Variants in LRRC7 observed in about 807,000 individuals in gnomAD.
LRRC7 encodes the protein leucine rich repeat containing 7.
In LRRC7, 23 loss-of-function variants were observed where a neutral mutation model predicts 175.7. The ratio of observed to expected loss-of-function variants is 0.13; its 90% confidence interval spans 0.09 to 0.19. LRRC7 has a LOEUF of 0.19. Ranked by LOEUF, LRRC7 falls within the 10% of genes least tolerant of loss-of-function variation. The pLI is 1.00. For synonymous variants in LRRC7, 685 were observed against 680.9 expected, an observed-to-expected ratio of 1.01 and a Z score of -0.09; for missense variants, 1,354 against 1,904.7, an observed-to-expected ratio of 0.71 and a Z score of 5.38.
In LRRC7 at chr1:69,726,256, G is replaced by A. The variant is rs1417439; in HGVS notation, c.101-33935G>A. 3.2e-3 allele frequency among the ~76,000 whole-genome samples: 487 copies of A among 152,238 alleles called. 4 individuals are homozygous for A. The highest frequency in any genetic ancestry group is 0.011 in the African/African-American group (471 of 41,532). ...AGTCTATTTCTATATGACTTGAAGGGCCATTCTATTTCTACTGTATTGCCA... is the reference window on the plus strand; with the variant it reads ...AGTCTATTTCTATATGACTTGAAGGACCATTCTATTTCTACTGTATTGCCA... On this transcript the variant is annotated intron_variant, in intron 2 of 26. Transcript: ENST00000651989.
chr1:69,751,375 T>C (rs1233640229), intron 2 of LRRC7, among the ~76,000 whole-genome samples: 1 of 152,078 alleles, frequency 6.6e-6, no homozygotes, highest in Non-Finnish European at 1.5e-5. Context: ...AGTATTTTCA[T>C]TGGCATTACT....
intron 2 of LRRC7, among the ~76,000 whole-genome samples, chr1:69,693,064 G>A (rs937178030): frequency 3.3e-5 from 5 of 152,078 alleles, no homozygotes; most frequent in African/African-American, 4.8e-5. Flanking sequence ...TGTTGGTTCC[G>A]TGTCTCGCAT....
chr1:69,903,401 G>A (rs1240243415), intron 7 of LRRC7, among the ~76,000 whole-genome samples: 1 of 152,160 alleles, frequency 6.6e-6, no homozygotes, highest in Non-Finnish European at 1.5e-5. Flanking sequence ...CCTAGCCAAG[G>A]GAAGCCATGA....
At chr1:69,815,928 G>A (rs978200704) in intron 4 of LRRC7, among the ~76,000 whole-genome samples, 3 of 151,978 alleles carry the variant, frequency 2.0e-5, no homozygotes, top group African/African-American at 7.3e-5. Flanking sequence ...GGTGGAAGGA[G>A]CAAGACAGCT....
intron 7 of LRRC7, among the ~76,000 whole-genome samples, chr1:69,841,641 C>A (rs534418483): frequency 1.3e-5 from 2 of 152,196 alleles, no homozygotes; most frequent in East Asian, 3.9e-4. Context: ...GCACTTACCG[C>A]TCTCTATATG....
At chr1:69,975,616 A>G (rs1036705744) in intron 8 of LRRC7, among the ~76,000 whole-genome samples, 1 of 152,162 alleles carries the variant, frequency 6.6e-6, no homozygotes, top group African/African-American at 2.4e-5. Context: ...AACTACTTCA[A>G]TATGGACCAT....
chr1:69,906,210 G>T (rs1436166390), intron 7 of LRRC7, among the ~76,000 whole-genome samples: 1 of 152,120 alleles, frequency 6.6e-6, no homozygotes, highest in Non-Finnish European at 1.5e-5. Context: ...TTTGTGGGTT[G>T]CCTGTTCACT....
At chr1:70,118,066 C>T (rs562221945) in intron 26 of LRRC7, among the ~76,000 whole-genome samples, 339 of 33,308 alleles carry the variant, frequency 0.01, no homozygotes, top group Non-Finnish European at 0.019. Context: ...CTTCTATGCA[C>T]ACACACACAC....
At chr1:69,923,079 G>C (rs1437443651) in intron 7 of LRRC7, among the ~76,000 whole-genome samples, 1 of 151,594 alleles carries the variant, frequency 6.6e-6, no homozygotes, top group Non-Finnish European at 1.5e-5. Context: ...TTGGTTTTTT[G>C]TCCTTGCGAT....
intron 8 of LRRC7, among the ~76,000 whole-genome samples, chr1:69,965,681 G>A (rs184817059): frequency 1.1e-3 from 167 of 152,000 alleles, no homozygotes; most frequent in African/African-American, 3.5e-3. Flanking sequence ...TTTGAAAAAC[G>A]TGAAATTAAT....
intron 1 of LRRC7, among the ~76,000 whole-genome samples, chr1:69,677,325 T>C (rs1046710058): frequency 1.6e-5 from 2 of 128,792 alleles, no homozygotes; most frequent in African/African-American, 2.8e-5. Flanking sequence ...TATAGGGTGA[T>C]GGGCAGTTAG....
At chr1:69,841,427 A>G (rs1408577258) in intron 7 of LRRC7, among the ~76,000 whole-genome samples, 1 of 152,092 alleles carries the variant, frequency 6.6e-6, no homozygotes, top group Non-Finnish European at 1.5e-5. Flanking sequence ...AAACAACGTT[A>G]AGACTATAAA....
chr1:69,682,092 C>A (rs1660561685), intron 2 of LRRC7, among the ~76,000 whole-genome samples: 1 of 152,040 alleles, frequency 6.6e-6, no homozygotes. Flanking sequence ...ACAGTCCCAG[C>A]TTTTTGTTGG....
rs891963817 is a variant in LRRC7, at chr1:70,143,829, TTATA to T, written c.*21947_*21950del. ...AGATAATTGTGATTTTGAGCTTAAA[TTATA>T]TATAAAAAATTGTCATTTTTGTATG... On this transcript the variant is annotated 3_prime_UTR_variant, in exon 27 of 27. Coordinates refer to ENST00000651989, the MANE Select transcript of LRRC7 (RefSeq NM_001370785.2). 2.0e-5 allele frequency: 3 copies of T among 150,814 alleles called. No homozygotes were observed. The highest frequency in any genetic ancestry group is 7.5e-5 in the African/African-American group (3 of 40,104). 9.3% of individuals were successfully genotyped at this position (150,814 alleles called of 1,614,324 possible). A position where few individuals can be genotyped will look rare whatever the true frequency, so the allele number is the denominator to read the frequency against.
At chr1:69,909,020 T>A (rs915369587) in intron 7 of LRRC7, among the ~76,000 whole-genome samples, 1 of 151,828 alleles carries the variant, frequency 6.6e-6, no homozygotes, top group African/African-American at 2.4e-5. Context: ...TTTACCATTA[T>A]GTAATGGCCT....
intron 4 of LRRC7, among the ~76,000 whole-genome samples, chr1:69,813,992 T>C (rs975579646): frequency 6.6e-6 from 1 of 152,178 alleles, no homozygotes; most frequent in Non-Finnish European, 1.5e-5. Context: ...AGCATGCATA[T>C]GTATATATAC....
intron 24 of LRRC7, among the ~76,000 whole-genome samples, chr1:70,081,057 T>C (rs1663173544): frequency 2.0e-5 from 3 of 152,218 alleles, no homozygotes; most frequent in Admixed American, 2.0e-4. Flanking sequence ...AAAACACTGA[T>C]GTCTTGCTCT....
At chr1:69,951,504 C>T (rs914743136) in intron 8 of LRRC7, among the ~76,000 whole-genome samples, 6 of 152,090 alleles carry the variant, frequency 3.9e-5, no homozygotes, top group South Asian at 4.1e-4. Context: ...TTCATTGCAG[C>T]GCAGTTCACA....
At chr1:69,807,970 A>G (rs148513360) in intron 4 of LRRC7, among the ~76,000 whole-genome samples, 3 of 151,930 alleles carry the variant, frequency 2.0e-5, no homozygotes, top group Admixed American at 1.3e-4. Context: ...ACATAGTCCC[A>G]TATTTCTTGG....
Sources: allele counts gnomAD v4.1 joint callset (sites outside exome capture counted in the v4.1 genomes callset), GRCh38; gene constraint gnomAD v4.1.1; transcripts MANE v1.5; gene names NCBI Gene and HGNC (gene_info 2026-07-23, HGNC 2026-07-21).